The following GALNT13 variants were observed in gnomAD, a reference collection of about 807,000 sequenced individuals.
GALNT13 encodes polypeptide N-acetylgalactosaminyltransferase 13, also known as UDP-GalNAc:polypeptide N-acetylgalactosaminyltransferase 13.
In GALNT13, 28 loss-of-function variants were observed where a neutral mutation model predicts 64.2. That is an observed-to-expected ratio of 0.44 (90% CI 0.32 to 0.60). GALNT13 has a LOEUF of 0.60. GALNT13 is among the 20% of genes least tolerant of loss of function. The pLI, the probability that GALNT13 is intolerant of heterozygous loss-of-function variation, is 0.05. For missense variants in GALNT13, 577 were observed against 669.8 expected (o/e 0.86, Z 1.53); for synonymous variants, 214 against 224.6 (o/e 0.95, Z 0.42).
chr2:153,485,802 A>G, the GALNT13 span, among the ~76,000 whole-genome samples: 5 of 152,252 alleles, frequency 3.3e-5, no homozygotes, highest in African/African-American at 1.2e-4. Flanking sequence ...TGGGAGGCTG[A>G]GGTATGAGGA....
At chr2:153,118,030 T>A in the GALNT13 span, among the ~76,000 whole-genome samples, 1 of 151,930 alleles carries the variant, frequency 6.6e-6, no homozygotes, top group Non-Finnish European at 1.5e-5. Context: ...TTTTTGGTTT[T>A]CTTGATTCCA....
intron 9 of GALNT13, among the ~76,000 whole-genome samples, chr2:154,327,274 C>T (rs1243770256): frequency 1.3e-5 from 2 of 152,004 alleles, no homozygotes; most frequent in African/African-American, 4.8e-5. Context: ...TGAGGTGTGC[C>T]CAGAATGCTG....
At chr2:154,299,449 G>T (rs1209432600) in intron 8 of GALNT13, among the ~76,000 whole-genome samples, 1 of 147,976 alleles carries the variant, frequency 6.8e-6, no homozygotes, top group Non-Finnish European at 1.5e-5. Context: ...ATCAATCAAT[G>T]AAATACTTTT....
At chr2:153,664,328 T>C in the GALNT13 span, among the ~76,000 whole-genome samples, 1 of 152,200 alleles carries the variant, frequency 6.6e-6, no homozygotes, top group East Asian at 1.9e-4. Context: ...TTTCTCCTAT[T>C]CACTTTTTGC....
At chr2:153,318,695 G>C in the GALNT13 span, among the ~76,000 whole-genome samples, 1 of 152,024 alleles carries the variant, frequency 6.6e-6, no homozygotes, top group Non-Finnish European at 1.5e-5. Flanking sequence ...TCCATTTTTT[G>C]CTTGAGGCTA....
At chr2:153,213,439 C>T in the GALNT13 span, among the ~76,000 whole-genome samples, 1 of 152,198 alleles carries the variant, frequency 6.6e-6, no homozygotes, top group Non-Finnish European at 1.5e-5. Context: ...AGGGGAGACA[C>T]TATACCTTCC....
the GALNT13 span, among the ~76,000 whole-genome samples, chr2:153,280,098 G>A: frequency 3.9e-5 from 6 of 151,998 alleles, no homozygotes; most frequent in Non-Finnish European, 8.8e-5. Flanking sequence ...GTCTTGAGGG[G>A]GTTGTGTGTT....
At chr2:153,861,407 A>G in the GALNT13 span, among the ~76,000 whole-genome samples, 1 of 152,328 alleles carries the variant, frequency 6.6e-6, no homozygotes, top group East Asian at 1.9e-4. Flanking sequence ...GGAATGTGGT[A>G]TTTAGACAAA....
At chr2:153,551,158 T>C in the GALNT13 span, among the ~76,000 whole-genome samples, 1 of 152,136 alleles carries the variant, frequency 6.6e-6, no homozygotes, top group Non-Finnish European at 1.5e-5. Flanking sequence ...ACACCTGCCT[T>C]GTTTAGTCAT....
the GALNT13 span, among the ~76,000 whole-genome samples, chr2:153,772,382 T>C: frequency 3.9e-5 from 6 of 152,300 alleles, 1 homozygote; most frequent in South Asian, 1.2e-3. Flanking sequence ...TGCTCTCTCT[T>C]GGCCTGGGTT....
At chr2:153,531,295 A>T in the GALNT13 span, among the ~76,000 whole-genome samples, 1 of 152,296 alleles carries the variant, frequency 6.6e-6, no homozygotes, top group Non-Finnish European at 1.5e-5. Flanking sequence ...GGAAACTTAC[A>T]ATCATGGTAG....
the GALNT13 span, among the ~76,000 whole-genome samples, chr2:153,621,922 T>C: frequency 1.3e-5 from 2 of 152,124 alleles, no homozygotes; most frequent in Admixed American, 6.6e-5. Context: ...ACTTGCAGAA[T>C]TACCTCAATT....
At chr2:154,280,361 C>T (rs764518049) in intron 8 of GALNT13, among the ~76,000 whole-genome samples, 3 of 152,122 alleles carry the variant, frequency 2.0e-5, no homozygotes, top group African/African-American at 4.8e-5. Context: ...TGCTTGACAA[C>T]ACACAAAGTA....
chr2:154,336,428 C>G (rs1349303113), intron 9 of GALNT13, among the ~76,000 whole-genome samples: 1 of 152,074 alleles, frequency 6.6e-6, no homozygotes, highest in African/African-American at 2.4e-5. Context: ...CCAGCTCATT[C>G]ATGAGACCAC....
rs767697476 is a variant in GALNT13 at position 154,240,768 on chromosome 2, C to T, written c.312-1262C>T. Reference sequence around the variant, plus strand: ...ACTACCTTGTCACAAGGACAGAGGACTTTCTGTATCCGGGGTTCTTGGCTT... The same window carrying T: ...ACTACCTTGTCACAAGGACAGAGGATTTTCTGTATCCGGGGTTCTTGGCTT... On this transcript the variant is annotated intron_variant, in intron 4 of 12. Coordinates refer to ENST00000392825, the MANE Select transcript of GALNT13 (RefSeq NM_052917.4). Among the ~76,000 whole-genome samples the T allele has an allele frequency of 6.8e-4, 104 of 152,310 alleles. 1 individual carries two copies. The highest frequency in any genetic ancestry group is 5.0e-3 in the South Asian group (24 of 4,826).
intron 11 of GALNT13, among the ~76,000 whole-genome samples, chr2:154,424,458 G>T (rs1700386740): frequency 6.6e-6 from 1 of 152,106 alleles, no homozygotes. Context: ...ACACACAACA[G>T]TTGCTCCCAA....
chr2:153,212,265 G>A, the GALNT13 span, among the ~76,000 whole-genome samples: 1 of 152,150 alleles, frequency 6.6e-6, no homozygotes, highest in Non-Finnish European at 1.5e-5. Flanking sequence ...ATCTAGAAAG[G>A]AGAAGATGAA....
At chr2:154,239,545 G>A (rs1018185476) in intron 4 of GALNT13, among the ~76,000 whole-genome samples, 50 of 152,102 alleles carry the variant, frequency 3.3e-4, no homozygotes, top group African/African-American at 1.2e-3. Flanking sequence ...CATTTACCAA[G>A]ATGACTTTCT....
chr2:153,456,277 TC>T, the GALNT13 span, among the ~76,000 whole-genome samples: 5 of 152,196 alleles, frequency 3.3e-5, no homozygotes, highest in Non-Finnish European at 5.9e-5. Context: ...CTGCTCCTGT[TC>T]CTATCAGTAC....
Sources: gnomAD v4.1 joint callset for allele counts (sites outside exome capture counted in the v4.1 genomes callset) on GRCh38, gnomAD v4.1.1 for gene constraint, MANE v1.5 for transcripts, NCBI Gene and HGNC (gene_info 2026-07-23, HGNC 2026-07-21) for gene names.